The following MACO1 variants were observed in gnomAD, a reference collection of about 807,000 sequenced individuals.
MACO1 encodes macoilin 1, also known as macoilin.
A neutral mutation model predicts 78.7 loss-of-function variants in MACO1; 14 were observed. The observed-to-expected ratio is 0.18, with a 90% CI of 0.12 to 0.28. The LOEUF is 0.28. Ranked by LOEUF, MACO1 falls within the 10% of genes least tolerant of loss-of-function variation. The pLI, the probability that MACO1 is intolerant of heterozygous loss-of-function variation, is 1.00. For synonymous variants in MACO1, 288 were observed against 291.6 expected (o/e 0.99, Z 0.12); for missense variants, 501 against 799.0 (o/e 0.63, Z 4.50).
intron 1 of MACO1, among the ~76,000 whole-genome samples, chr1:25,437,673 A>G (rs1473867789): frequency 5.9e-5 from 9 of 152,126 alleles, no homozygotes; most frequent in African/African-American, 2.2e-4. Context: ...TAACCCCAGC[A>G]CTTTGGGAGG....
In MACO1 at chr1:25,458,779, T is replaced by C; in HGVS notation, c.1041T>C (p.Ser347=). The part of the protein sequence containing the change: ...SATNGSIPSS[S]SKNEKKQKCT... ...CAAATGGGAGCATTCCTTCCTCATC[T>C]AGTAAAAATGAGAAGAAGCAGAAAT... The change falls in exon 6 of 11, where the codon TCT becomes TCC. Residue 347 remains serine, a synonymous_variant. Transcript: ENST00000374343. 3 of 1,614,134 alleles carry C rather than the reference T, an allele frequency of 1.9e-6. No individual in the cohort carries two copies. The highest frequency in any genetic ancestry group is 1.1e-5 in the South Asian group (1 of 91,074).
chr1:25,463,175 T>C (rs952488927), intron 6 of MACO1, among the ~76,000 whole-genome samples: 7 of 152,184 alleles, frequency 4.6e-5, no homozygotes, highest in African/African-American at 1.7e-4. Flanking sequence ...TTTTAATATC[T>C]CTCTACAAAA....
At position 25,480,798 on chromosome 1, in the gene MACO1, G is replaced by A. The variant is rs528347432; in HGVS notation, c.1155-3318G>A. Among the ~76,000 whole-genome samples, 384 of 151,272 alleles carry A rather than the reference G, an allele frequency of 2.5e-3. 1 individual carries two copies. The highest frequency in any genetic ancestry group is 4.5e-3 in the Non-Finnish European group (304 of 67,808). ...ATATAAAAATTAGCTGGGCGTGGTGGTGGGCACCTGTAATCCCGGCTACTC... is the reference window on the plus strand; with the variant it reads ...ATATAAAAATTAGCTGGGCGTGGTGATGGGCACCTGTAATCCCGGCTACTC... On this transcript the variant is annotated intron_variant, in intron 6 of 10. Coordinates refer to ENST00000374343, the MANE Select transcript of MACO1 (RefSeq NM_018202.6).
intron 3 of MACO1, among the ~76,000 whole-genome samples, chr1:25,450,734 T>C (rs192581814): frequency 5.9e-4 from 90 of 152,344 alleles, no homozygotes; most frequent in Non-Finnish European, 1.0e-3. Context: ...TAGTCTGCTT[T>C]CCTCTAATTA....
chr1:25,443,628 C>T (rs529711905), intron 1 of MACO1, among the ~76,000 whole-genome samples: 10 of 152,342 alleles, frequency 6.6e-5, no homozygotes, highest in Admixed American at 4.6e-4. Context: ...AATTTTTGAA[C>T]TACGTTAGTT....
At chr1:25,431,314 G>A in intron 1 of MACO1, 136 bp downstream of exon 1, 1 of 438,644 alleles carries the variant, frequency 2.3e-6, no homozygotes, top group Non-Finnish European at 3.5e-6. Flanking sequence ...CGCTGGCCCC[G>A]GAGCCGCTGG....
At chr1:25,459,451 A>T (rs996484403) in intron 6 of MACO1, among the ~76,000 whole-genome samples, 2 of 151,884 alleles carry the variant, frequency 1.3e-5, no homozygotes, top group African/African-American at 4.8e-5. Context: ...ACAAAGTTTA[A>T]TTAGGAATGT....
intron 1 of MACO1, among the ~76,000 whole-genome samples, chr1:25,433,080 A>T (rs2042889612): frequency 1.3e-5 from 2 of 152,234 alleles, no homozygotes; most frequent in South Asian, 4.1e-4. Context: ...TTAAAAACCG[A>T]CAGTGCATTA....
intron 6 of MACO1, among the ~76,000 whole-genome samples, chr1:25,472,596 C>G (rs2124598648): frequency 6.6e-6 from 1 of 152,324 alleles, no homozygotes; most frequent in Admixed American, 6.5e-5. Flanking sequence ...CTCTCTAATG[C>G]TACAGAGAGA....
Position 25,448,883 on chromosome 1 carries a change from C to T in MACO1, c.298C>T (p.Leu100Phe). 2 of 1,548,730 alleles carry T rather than the reference C, an allele frequency of 1.3e-6. No homozygotes were observed. Among genetic ancestry groups the T allele is most frequent in the African/African-American group, 2.7e-5 (2 of 74,274 alleles). ...CCTGCTGTTCATCCCCATACAGTGG[C>T]TTTTTTTTGCTGCTAGCACATATGT... ...ICLLFIPIQW[L>F]FFAASTYVWV... Residue 100 changes from leucine (L) to phenylalanine (F), a missense_variant, in exon 3 of 11, where the codon CTT becomes TTT. By Grantham distance (22) the Leu-to-Phe change is conservative. Transcript: ENST00000374343.
intron 3 of MACO1, among the ~76,000 whole-genome samples, chr1:25,450,108 A>G (rs1377276491): frequency 2.0e-5 from 3 of 152,220 alleles, no homozygotes; most frequent in Non-Finnish European, 2.9e-5. Context: ...GAACCTCTGC[A>G]TTAGAGCCAC....
In MACO1 at chr1:25,431,142, T is replaced by C. The variant is rs1376760239; in HGVS notation, c.44T>C (p.Leu15Pro). 6.3e-7 allele frequency: 1 copy of C among 1,598,200 alleles called. No individual in the cohort carries two copies. ...GACTGCAGTAAGCTCCGCCGCCCCCTAAAGCGGAACCGGATCACCGAGGGC... is the reference window on the plus strand; with the variant it reads ...GACTGCAGTAAGCTCCGCCGCCCCCCAAAGCGGAACCGGATCACCGAGGGC... ...NADCSKLRRPLKRNRITEGIY... is the reference protein window; with the variant it reads ...NADCSKLRRPPKRNRITEGIY... Residue 15 changes from leucine (L) to proline (P), a missense_variant, in exon 1 of 11, where the codon CTA becomes CCA. Coordinates refer to ENST00000374343, the MANE Select transcript of MACO1 (RefSeq NM_018202.6).
intron 6 of MACO1, among the ~76,000 whole-genome samples, chr1:25,481,210 C>T (rs529760525): frequency 3.9e-5 from 6 of 152,192 alleles, no homozygotes; most frequent in African/African-American, 1.4e-4. Flanking sequence ...TCATTCCCAA[C>T]TGTGGCATAT....
chr1:25,458,454 C>G lies in MACO1; in HGVS notation c.716C>G (p.Ala239Gly), dbSNP rs1337168110. ...ATACACCACAATGGAGGTATCCCAG[C>G]CAACAAAAAACTCTCCACAACTTTG... ...ILIHHNGGIP[A>G]NKKLSTTLPE... Residue 239 changes from alanine to glycine, a missense_variant, in exon 6 of 11, where the codon GCC becomes GGC. By Grantham distance (60) the Ala-to-Gly change is moderately conservative (BLOSUM62 0). Coordinates refer to ENST00000374343, the MANE Select transcript of MACO1 (RefSeq NM_018202.6). The G allele has an allele frequency of 6.2e-7, 1 of 1,612,712 alleles. No individual in the cohort carries two copies. Among genetic ancestry groups the G allele is most frequent in the East Asian group, 2.2e-5 (1 of 44,872 alleles).
intron 8 of MACO1, among the ~76,000 whole-genome samples, chr1:25,487,750 T>C (rs1019865257): frequency 2.0e-5 from 3 of 152,286 alleles, no homozygotes; most frequent in Non-Finnish European, 4.4e-5. Flanking sequence ...TTTTTCTAGT[T>C]CACCGCCCCC....
intron 8 of MACO1, among the ~76,000 whole-genome samples, chr1:25,486,256 C>T (rs1295100162): frequency 6.6e-6 from 1 of 151,868 alleles, no homozygotes; most frequent in African/African-American, 2.4e-5. Context: ...ACTGGCTGCT[C>T]AAATGGATAT....
chr1:25,497,248 C>T (rs1452085599), intron 10 of MACO1, among the ~76,000 whole-genome samples: 1 of 151,930 alleles, frequency 6.6e-6, no homozygotes, highest in Admixed American at 6.6e-5. Context: ...GGCGTGGTGG[C>T]ACATGCTTGT....
Position 25,498,567 on chromosome 1 carries a change from G to C in MACO1, c.*101G>C. On this transcript the variant is annotated 3_prime_UTR_variant, in exon 11 of 11. Transcript: ENST00000374343. ...AAAAAAACAGTTTCTATTGTATTTT[G>C]TGGAACTGTATCTGTTGTCATTTTT... The C allele has an allele frequency of 1.8e-6, 2 of 1,130,702 alleles. No individual in the cohort carries two copies. Among genetic ancestry groups the C allele is most frequent in the Non-Finnish European group, 2.5e-6 (2 of 788,642 alleles). 70.0% of individuals were successfully genotyped at this position (1,130,702 alleles called of 1,614,324 possible). A position where few individuals can be genotyped will look rare whatever the true frequency, so the allele number is the denominator to read the frequency against.
intron 6 of MACO1, among the ~76,000 whole-genome samples, chr1:25,459,422 T>C (rs774142787): frequency 2.6e-5 from 4 of 152,152 alleles, no homozygotes; most frequent in Non-Finnish European, 5.9e-5. Context: ...CAAAAATCCA[T>C]GGAGAAACAG....
Sources: gnomAD v4.1 joint callset for allele counts (sites outside exome capture counted in the v4.1 genomes callset) on GRCh38, gnomAD v4.1.1 for gene constraint, MANE v1.5 for transcripts, NCBI Gene and HGNC (gene_info 2026-07-23, HGNC 2026-07-21) for gene names.